LINGO2: variants seen among roughly 807,000 people sequenced by gnomAD.
LINGO2 encodes leucine-rich repeat and immunoglobulin-like domain-containing nogo receptor-interacting protein 2.
LINGO2 carries 14 observed loss-of-function variants against 30.6 expected under a neutral mutation model. The observed-to-expected ratio is 0.46, with a 90% CI of 0.30 to 0.72. LINGO2 has a LOEUF of 0.72. LINGO2 is among the 30% of genes least tolerant of loss of function. The probability of loss-of-function intolerance (pLI) is 0.07; values close to 1 mark genes in which losing one functional copy is unlikely to be tolerated. For synonymous variants in LINGO2, 317 were observed against 288.5 expected, an observed-to-expected ratio of 1.10 and a Z score of -1.00; for missense variants, 729 against 751.7, an observed-to-expected ratio of 0.97 and a Z score of 0.35.
chr9:29,007,463 T>C, the LINGO2 span, among the ~76,000 whole-genome samples: 10 of 152,228 alleles, frequency 6.6e-5, no homozygotes, highest in East Asian at 1.2e-3. Flanking sequence ...TTTAAATATA[T>C]ATAGCAGATG....
At chr9:28,445,398 G>C (rs189108935) in intron 2 of LINGO2, among the ~76,000 whole-genome samples, 1 of 152,102 alleles carries the variant, frequency 6.6e-6, no homozygotes, top group African/African-American at 2.4e-5. Flanking sequence ...CTCATCTTCC[G>C]CAGATCAAGC....
At chr9:28,237,386 AG>A (rs1242264316) in intron 4 of LINGO2, among the ~76,000 whole-genome samples, 1 of 152,266 alleles carries the variant, frequency 6.6e-6, no homozygotes, top group Non-Finnish European at 1.5e-5. Flanking sequence ...AAGGAAGAGA[AG>A]ACCACAAAAC....
intron 4 of LINGO2, among the ~76,000 whole-genome samples, chr9:28,042,153 G>C (rs1824225213): frequency 6.6e-6 from 1 of 152,152 alleles, no homozygotes; most frequent in African/African-American, 2.4e-5. Flanking sequence ...TAGTTCCGAT[G>C]AGTCAGGATC....
intron 5 of LINGO2, among the ~76,000 whole-genome samples, chr9:28,010,288 A>G (rs1376692432): frequency 6.6e-6 from 1 of 152,208 alleles, no homozygotes; most frequent in Non-Finnish European, 1.5e-5. Flanking sequence ...AAATTTAAGT[A>G]TAACTGATTT....
chr9:28,829,091 A>T, the LINGO2 span, among the ~76,000 whole-genome samples: 35 of 152,274 alleles, frequency 2.3e-4, no homozygotes, highest in African/African-American at 7.9e-4. Context: ...AGACCAGCAG[A>T]GAGAAGAAGC....
chr9:28,407,492 C>T (rs1822560799), intron 2 of LINGO2, among the ~76,000 whole-genome samples: 1 of 152,116 alleles, frequency 6.6e-6, no homozygotes, highest in Admixed American at 6.6e-5. Flanking sequence ...TCTCAGCTCA[C>T]CTAAGTCCCT....
At chr9:29,175,383 C>T in the LINGO2 span, among the ~76,000 whole-genome samples, 16 of 152,084 alleles carry the variant, frequency 1.1e-4, no homozygotes, top group African/African-American at 3.1e-4. Context: ...AATTCTGTTG[C>T]GGTTTCACTG....
In LINGO2 at chr9:28,329,793, A is replaced by C. The variant is rs1412702579; in HGVS notation, c.-245-34427T>G. Among the ~76,000 whole-genome samples the C allele has an allele frequency of 6.6e-6, 1 of 152,126 alleles. No homozygotes were observed. The highest frequency in any genetic ancestry group is 1.5e-5 in the Non-Finnish European group (1 of 68,028). On this transcript the variant is annotated intron_variant, in intron 3 of 5. Transcript: ENST00000379992. This position sits in a 1 kb window ranked among gnomAD's most constrained non-coding sequence, Gnocchi z 4.5. The stretch of plus-strand genomic sequence containing the variant: ...GACCATCCTGACCCCACCCTGAATT[A>C]GATAGCCATCCTCTGGGGTTTTATA...
chr9:29,107,332 A>G, the LINGO2 span, among the ~76,000 whole-genome samples: 3 of 152,270 alleles, frequency 2.0e-5, no homozygotes, highest in Admixed American at 1.3e-4. Flanking sequence ...TTGAAAAATA[A>G]TATTTTTGTA....
intron 4 of LINGO2, among the ~76,000 whole-genome samples, chr9:28,184,512 A>G (rs928689353): frequency 6.6e-6 from 1 of 151,874 alleles, no homozygotes; most frequent in Admixed American, 6.6e-5. Flanking sequence ...CTGGACAAGT[A>G]TGGTTAATAA....
chr9:28,147,669 TCAGCCCCGCACCCCCAA>T lies in LINGO2; in HGVS notation c.-86-135281_-86-135265del, dbSNP rs1827852375. Among the ~76,000 whole-genome samples, 1 of 152,072 alleles carries T rather than the reference TCAGCCCCGCACCCCCAA, an allele frequency of 6.6e-6. No homozygotes were observed. Among genetic ancestry groups the T allele is most frequent in the Non-Finnish European group, 1.5e-5 (1 of 67,990 alleles). ...TGCCAGGTGGAAGGGCTCTGGCGGA[TCAGCCCCGCACCCCCAA>T]CAGCCCCACGGGGGGGCCCGTCCAG... On this transcript the variant is annotated intron_variant, in intron 4 of 5. Coordinates refer to ENST00000379992, the Ensembl canonical transcript of LINGO2. This position sits in a 1 kb window ranked among gnomAD's most constrained non-coding sequence, Gnocchi z 4.7.
At chr9:28,028,530 A>G (rs139974585) in intron 4 of LINGO2, among the ~76,000 whole-genome samples, 1 of 152,266 alleles carries the variant, frequency 6.6e-6, no homozygotes, top group East Asian at 1.9e-4. Flanking sequence ...ACATAATATA[A>G]TCATTGAAAT....
At chr9:27,937,911 T>C in the LINGO2 span, 1 of 152,134 alleles carries the variant, frequency 6.6e-6, no homozygotes, top group South Asian at 2.1e-4. Flanking sequence ...ATGAGGAGAA[T>C]TATAGCTTCT....
chr9:29,121,685 A>C, the LINGO2 span, among the ~76,000 whole-genome samples: 3 of 152,108 alleles, frequency 2.0e-5, no homozygotes, highest in African/African-American at 7.2e-5. Flanking sequence ...CCATATGATC[A>C]ACAACAAAAG....
At chr9:28,219,273 A>G (rs1033517627) in intron 4 of LINGO2, among the ~76,000 whole-genome samples, 2 of 152,202 alleles carry the variant, frequency 1.3e-5, no homozygotes, top group Non-Finnish European at 2.9e-5. Context: ...AAAAAGCTTA[A>G]TATTCAGAAA....
At chr9:28,512,691 A>ATCTC (rs1554730624) in intron 1 of LINGO2, among the ~76,000 whole-genome samples, 2 of 142,052 alleles carry the variant, frequency 1.4e-5, no homozygotes, top group Admixed American at 7.1e-5. Flanking sequence ...CTATCTATCT[A>ATCTC]TCTCTCTGGG....
At chr9:28,037,440 C>T (rs925949178) in intron 4 of LINGO2, among the ~76,000 whole-genome samples, 2 of 152,036 alleles carry the variant, frequency 1.3e-5, no homozygotes, top group Non-Finnish European at 2.9e-5. Flanking sequence ...GCTATTCATT[C>T]TTCAACTCTT....
intron 4 of LINGO2, among the ~76,000 whole-genome samples, chr9:28,257,228 A>G (rs1316529660): frequency 2.0e-5 from 3 of 151,924 alleles, no homozygotes; most frequent in African/African-American, 7.2e-5. Flanking sequence ...AATAGCATAA[A>G]GCGTCTCTTA....
chr9:28,995,331 C>T, the LINGO2 span, among the ~76,000 whole-genome samples: 2 of 152,204 alleles, frequency 1.3e-5, no homozygotes, highest in Non-Finnish European at 2.9e-5. Context: ...TACCATCTCA[C>T]ACCAGTTACA....
Sources: gnomAD v4.1 joint callset for allele counts (sites outside exome capture counted in the v4.1 genomes callset) on GRCh38, gnomAD v4.1.1 for gene constraint, Gnocchi (gnomAD v3.1) non-coding constraint, MANE v1.5 for transcripts, NCBI Gene and HGNC (gene_info 2026-07-23, HGNC 2026-07-21) for gene names.